NELL1: variants seen among roughly 807,000 people sequenced by gnomAD.
NELL1 encodes the protein neural EGFL like 1.
Under a neutral mutation model 107.4 loss-of-function variants are expected in NELL1, and 76 were observed. The ratio of observed to expected loss-of-function variants is 0.71; its 90% CI spans 0.59 to 0.86. NELL1 has a LOEUF of 0.86. NELL1 is among the 40% of genes least tolerant of loss of function. The probability of loss-of-function intolerance (pLI) is 0.00; values close to 1 mark genes in which losing one functional copy is unlikely to be tolerated. For synonymous variants in NELL1, 353 were observed against 341.2 expected (o/e 1.03, Z -0.38); for missense variants, 1,024 against 1,005.5 (o/e 1.02, Z -0.25).
At chr11:20,675,827 G>A (rs1009529302) in intron 1 of NELL1, among the ~76,000 whole-genome samples, 1 of 151,856 alleles carries the variant, frequency 6.6e-6, no homozygotes. Context: ...AGGCTGGAGT[G>A]CAGTGGTGCT....
intron 16 of NELL1, among the ~76,000 whole-genome samples, chr11:21,548,450 G>A (rs1239881869): frequency 6.6e-6 from 1 of 151,860 alleles, no homozygotes; most frequent in Admixed American, 6.6e-5. Context: ...CAAAATCACG[G>A]TGGAAGGCAG....
intron 15 of NELL1, among the ~76,000 whole-genome samples, chr11:21,482,499 C>T (rs1854518026): frequency 6.6e-6 from 1 of 152,148 alleles, no homozygotes; most frequent in East Asian, 1.9e-4. Context: ...TCACTCTTAG[C>T]TTTTGCAAAG....
intron 4 of NELL1, among the ~76,000 whole-genome samples, chr11:20,865,642 T>C (rs1197763312): frequency 6.6e-6 from 1 of 152,078 alleles, no homozygotes; most frequent in East Asian, 1.9e-4. Flanking sequence ...CACTGTGGGG[T>C]CACCTTGGGC....
chr11:20,921,803 T>G (rs1850384082), intron 7 of NELL1, among the ~76,000 whole-genome samples: 1 of 150,808 alleles, frequency 6.6e-6, no homozygotes, highest in Non-Finnish European at 1.5e-5. Flanking sequence ...TGTGTGTTTT[T>G]TTTTTTTTTT....
In NELL1 at chr11:21,057,082, T is replaced by C. The variant is rs947344339; in HGVS notation, c.1301-56507T>C. 3.9e-5 allele frequency among the ~76,000 whole-genome samples: 6 copies of C among 152,206 alleles called. 1 individual carries two copies. In the South Asian group the frequency reaches 1.2e-3, roughly 32 times the overall value. On this transcript the variant is annotated intron_variant, in intron 12 of 19. Transcript: ENST00000357134. ...AACAAAAGATAACAAACTTGCCATA[T>C]ATATGAGTGAGTGTATGCTTAATAT...
chr11:21,004,733 A>C (rs1285152503), intron 12 of NELL1, among the ~76,000 whole-genome samples: 1 of 152,080 alleles, frequency 6.6e-6, no homozygotes, highest in Non-Finnish European at 1.5e-5. Flanking sequence ...TGTGTGCTAA[A>C]ATGTCCCCTT....
intron 1 of NELL1, among the ~76,000 whole-genome samples, chr11:20,672,970 G>GCCCCC (rs10592573): frequency 2.0e-5 from 2 of 100,844 alleles, no homozygotes; most frequent in African/African-American, 4.1e-5. Flanking sequence ...TCCTGCCTCA[G>GCCCCC]CCCCCCCCCC....
chr11:21,041,605 G>A (rs1853234068), intron 12 of NELL1, among the ~76,000 whole-genome samples: 1 of 152,132 alleles, frequency 6.6e-6, no homozygotes, highest in Non-Finnish European at 1.5e-5. Flanking sequence ...TGGGATTTGA[G>A]CTCACCTGGG....
In NELL1 at chr11:21,312,312, A is replaced by T. The variant is rs1849766477; in HGVS notation, c.1550-58541A>T. 2.7e-5 allele frequency among the ~76,000 whole-genome samples: 4 copies of T among 150,890 alleles called. No homozygotes were observed. The South Asian group carries it at 8.4e-4, about 32-fold the overall frequency. On this transcript the variant is annotated intron_variant, in intron 14 of 19. Transcript: ENST00000357134. ...CTTAGCAACTACCCGGAAGAGCTCT[A>T]TTCCAGTGTATGATGGCTCTTTTAG...
rs1351089221 is a variant in NELL1 at position 20,669,819 on chromosome 11, G to C, written c.55+41G>C. The C allele has an allele frequency of 6.4e-7, 1 of 1,568,504 alleles. No homozygotes were observed. Among genetic ancestry groups the C allele is most frequent in the Non-Finnish European group, 8.8e-7 (1 of 1,139,132 alleles). ...GCGGTTAGAGGGATCCGGGAAATGGGGGTGCCCACAGACCACGGCGGCGTG... is the reference window on the plus strand; with the variant it reads ...GCGGTTAGAGGGATCCGGGAAATGGCGGTGCCCACAGACCACGGCGGCGTG... On this transcript the variant is annotated intron_variant, in intron 1 of 19. Coordinates refer to ENST00000357134, the MANE Select transcript of NELL1 (RefSeq NM_006157.5). This position sits in a 1 kb window ranked among gnomAD's most constrained non-coding sequence, Gnocchi z 4.4.
intron 12 of NELL1, among the ~76,000 whole-genome samples, chr11:21,019,422 A>G (rs1332995583): frequency 6.6e-6 from 1 of 152,074 alleles, no homozygotes; most frequent in Admixed American, 6.6e-5. Context: ...CAGGCACAGT[A>G]TGGTATACTC....
intron 10 of NELL1, among the ~76,000 whole-genome samples, chr11:20,939,615 T>C (rs902775227): frequency 3.3e-5 from 5 of 152,152 alleles, no homozygotes; most frequent in Non-Finnish European, 7.3e-5. Context: ...TTATCCTCTG[T>C]GTAAGGAGCC....
rs1853846137 is a variant in NELL1 at position 20,669,713 on chromosome 11, C to G, written c.-11C>G. 1.2e-6 allele frequency: 2 copies of G among 1,612,804 alleles called. No individual in the cohort carries two copies. Among genetic ancestry groups the G allele is most frequent in the Non-Finnish European group, 1.7e-6 (2 of 1,179,102 alleles). ...TCGGTGCCCCCTGCTAGGCGGGGAC[C>G]CTCGAGAGCGATGCCGATGGATTTG... On this transcript the variant is annotated 5_prime_UTR_variant, in exon 1 of 20. Transcript: ENST00000357134. The surrounding 1 kb of genome is among the most constrained non-coding windows in gnomAD (Gnocchi z 4.4).
chr11:20,941,769 G>A (rs1259038736), intron 10 of NELL1, among the ~76,000 whole-genome samples: 1 of 152,112 alleles, frequency 6.6e-6, no homozygotes, highest in Non-Finnish European at 1.5e-5. Context: ...TTGTGTTGAT[G>A]CTTTATTTAT....
chr11:20,768,021 G>A (rs770930246), intron 2 of NELL1, among the ~76,000 whole-genome samples: 5 of 152,144 alleles, frequency 3.3e-5, no homozygotes, highest in Non-Finnish European at 5.9e-5. Flanking sequence ...AGGCTTCCCC[G>A]CAGAGGTGAC....
Position 20,770,375 on chromosome 11 carries a change from A to G in NELL1, c.185-13305A>G, listed in dbSNP as rs545993720. On this transcript the variant is annotated intron_variant, in intron 2 of 19. Transcript: ENST00000357134. ...AAAAACAGCAAGTCTGCCAAAGGAA[A>G]AAAATCCACCACATCCATAGCCCCT... 5.3e-5 allele frequency among the ~76,000 whole-genome samples: 8 copies of G among 152,338 alleles called. No homozygotes were observed. The South Asian group carries it at 1.7e-3, about 32-fold the overall frequency.
chr11:21,538,239 CTA>C (rs1856189847), intron 16 of NELL1, among the ~76,000 whole-genome samples: 1 of 152,044 alleles, frequency 6.6e-6, no homozygotes, highest in South Asian at 2.1e-4. Context: ...TCATGTCACT[CTA>C]TGTCACTTTT....
chr11:20,967,128 C>T (rs570953669), intron 12 of NELL1, among the ~76,000 whole-genome samples: 1 of 152,026 alleles, frequency 6.6e-6, no homozygotes, highest in Non-Finnish European at 1.5e-5. Context: ...TTAGTTATTT[C>T]TTTGTGACAG....
At chr11:21,072,843 G>C (rs1265396580) in intron 12 of NELL1, among the ~76,000 whole-genome samples, 1 of 152,122 alleles carries the variant, frequency 6.6e-6, no homozygotes, top group East Asian at 1.9e-4. Context: ...TGATTATTCA[G>C]AATATGTGCC....
Sources: gnomAD v4.1 joint callset for allele counts (sites outside exome capture counted in the v4.1 genomes callset) on GRCh38, gnomAD v4.1.1 for gene constraint, Gnocchi (gnomAD v3.1) non-coding constraint, MANE v1.5 for transcripts, NCBI Gene and HGNC (gene_info 2026-07-23, HGNC 2026-07-21) for gene names.